Variants in RERE observed in about 807,000 individuals in gnomAD.
The protein encoded by RERE is arginine-glutamic acid dipeptide repeats, also known as arginine-glutamic acid dipeptide repeats protein.
RERE carries 40 observed loss-of-function variants against 146.1 expected under a neutral mutation model. The ratio of observed to expected loss-of-function variants is 0.27; its 90% CI spans 0.21 to 0.36. The LOEUF (loss-of-function observed/expected upper bound fraction) is 0.36, where lower values mean the gene tolerates loss of function less well. RERE is among the 10% of genes least tolerant of loss of function. RERE has a pLI of 1.00. For missense variants in RERE, 1,933 were observed against 2,138.7 expected, an observed-to-expected ratio of 0.90 and a Z score of 1.90; for synonymous variants, 1,003 against 866.0, an observed-to-expected ratio of 1.16 and a Z score of -2.78.
chr1:8,374,239 GA>G (rs1336829889), intron 12 of RERE, among the ~76,000 whole-genome samples: 6 of 152,232 alleles, frequency 3.9e-5, no homozygotes, highest in Non-Finnish European at 7.3e-5. Context: ...AAGGCAAAGG[GA>G]AAGGAGGGAA....
At chr1:8,365,698 G>T in intron 13 of RERE, 114 bp downstream of exon 13, 1 of 1,211,202 alleles carries the variant, frequency 8.3e-7, no homozygotes. Flanking sequence ...TGGAGCACGG[G>T]TGCACACCCC....
At chr1:8,369,525 AAAAAAAAAAAAAG>A (rs1641949256) in intron 12 of RERE, among the ~76,000 whole-genome samples, 2 of 145,504 alleles carry the variant, frequency 1.4e-5, no homozygotes, top group Admixed American at 6.8e-5. Context: ...AAAAAAAAAA[AAAAAAAAAAAAAG>A]AAGAAAAGAA....
chr1:8,798,663 A>T (rs964137145), intron 1 of RERE: 3 of 211,868 alleles, frequency 1.4e-5, no homozygotes, highest in East Asian at 1.1e-4. Context: ...GGCAAGAAGA[A>T]GATGAAGAAG....
intron 1 of RERE, among the ~76,000 whole-genome samples, chr1:8,796,001 AAAC>A (rs1394708920): frequency 1.4e-5 from 2 of 144,668 alleles, no homozygotes; most frequent in African/African-American, 5.7e-5. Flanking sequence ...AAAAAAAACA[AAAC>A]AAAACAGGAA....
chr1:8,498,659 G>A (rs1645079298), intron 8 of RERE, among the ~76,000 whole-genome samples: 1 of 146,646 alleles, frequency 6.8e-6, no homozygotes, highest in Admixed American at 7.0e-5. Context: ...TTGTGTCACT[G>A]CACTCCAGCC....
chr1:8,648,893 T>C (rs1647454651), intron 2 of RERE, among the ~76,000 whole-genome samples: 1 of 151,828 alleles, frequency 6.6e-6, no homozygotes, highest in Non-Finnish European at 1.5e-5. Flanking sequence ...TGACAAAATG[T>C]TAAAAAATTA....
chr1:8,528,014 C>G (rs1306347283), intron 7 of RERE, among the ~76,000 whole-genome samples: 3 of 152,238 alleles, frequency 2.0e-5, no homozygotes, highest in Non-Finnish European at 4.4e-5. Flanking sequence ...CCTTCAGGGA[C>G]AAGGACACTA....
At chr1:8,749,719 T>C (rs1419886316) in intron 1 of RERE, among the ~76,000 whole-genome samples, 1 of 152,160 alleles carries the variant, frequency 6.6e-6, no homozygotes, top group African/African-American at 2.4e-5. Context: ...AAGTATCAAC[T>C]ATGCTGGCAC....
At chr1:8,594,577 G>A (rs1174542173) in intron 4 of RERE, among the ~76,000 whole-genome samples, 4 of 152,052 alleles carry the variant, frequency 2.6e-5, no homozygotes, top group African/African-American at 9.7e-5. Context: ...TGAACTATGA[G>A]CAAATACTAC....
intron 10 of RERE, among the ~76,000 whole-genome samples, chr1:8,490,343 CAAA>C (rs530925995): frequency 8.0e-5 from 6 of 75,378 alleles, no homozygotes; most frequent in Admixed American, 1.6e-4. Context: ...GGCAACATCT[CAAA>C]AAAAAAAAAA....
intron 7 of RERE, among the ~76,000 whole-genome samples, chr1:8,529,750 C>T (rs964904710): frequency 6.6e-6 from 1 of 152,152 alleles, no homozygotes; most frequent in Non-Finnish European, 1.5e-5. Context: ...AATATAGGAT[C>T]AGTCCTCCTC....
At chr1:8,653,122 T>C (rs1647713621) in intron 2 of RERE, among the ~76,000 whole-genome samples, 1 of 152,204 alleles carries the variant, frequency 6.6e-6, no homozygotes, top group South Asian at 2.1e-4. Context: ...GAGGTTTCCT[T>C]AACTGTCGGG....
At chr1:8,426,432 C>T (rs944944823) in intron 11 of RERE, among the ~76,000 whole-genome samples, 13 of 141,064 alleles carry the variant, frequency 9.2e-5, no homozygotes, top group Admixed American at 8.9e-4. Context: ...CCAGCCTGGG[C>T]GACAGAGACT....
In RERE at chr1:8,775,830, T is replaced by C. The variant is rs183033344; in HGVS notation, c.-145+41330A>G. Among the ~76,000 whole-genome samples the C allele has an allele frequency of 5.4e-4, 83 of 152,336 alleles. 1 individual carries two copies. The highest frequency in any genetic ancestry group is 1.0e-3 in the Non-Finnish European group (68 of 68,030). On this transcript the variant is annotated intron_variant, in intron 1 of 22. Coordinates refer to ENST00000400908, the MANE Select transcript of RERE (RefSeq NM_001042681.2). ...TCATTTAACTCTTTTAACAATTTTA[T>C]GAGGTAGGTATTACTACTATCTCCA...
intron 1 of RERE, among the ~76,000 whole-genome samples, chr1:8,660,290 G>A (rs191755925): frequency 3.9e-5 from 6 of 152,264 alleles, no homozygotes; most frequent in African/African-American, 1.4e-4. Flanking sequence ...ACATACCAAT[G>A]ATGTGACAGA....
chr1:8,458,707 G>C (rs922215531), intron 11 of RERE, among the ~76,000 whole-genome samples: 1 of 152,122 alleles, frequency 6.6e-6, no homozygotes, highest in African/African-American at 2.4e-5. Context: ...AAGACACTAA[G>C]AAAAGAATAA....
intron 11 of RERE, among the ~76,000 whole-genome samples, chr1:8,431,655 C>CT (rs1644097332): frequency 6.6e-6 from 1 of 152,214 alleles, no homozygotes; most frequent in Non-Finnish European, 1.5e-5. Flanking sequence ...CCACTGTAGT[C>CT]TTATAAACAC....
chr1:8,355,720 C>G, intron 21 of RERE, 121 bp from the exon 22 acceptor site: 1 of 837,004 alleles, frequency 1.2e-6, no homozygotes, highest in Non-Finnish European at 1.8e-6. Context: ...ACACAGGAGC[C>G]AGCCCCTCCC....
At chr1:8,735,195 T>C (rs12076901) in intron 1 of RERE, among the ~76,000 whole-genome samples, 107 of 152,354 alleles carry the variant, frequency 7.0e-4, no homozygotes, top group African/African-American at 2.5e-3. Flanking sequence ...TGGCTGCAAT[T>C]TGTTACAATC....
Sources: allele counts gnomAD v4.1 joint callset (sites outside exome capture counted in the v4.1 genomes callset), GRCh38; gene constraint gnomAD v4.1.1; transcripts MANE v1.5; gene names NCBI Gene and HGNC (gene_info 2026-07-23, HGNC 2026-07-21).